The following WWTR1 variants were observed in gnomAD, a reference collection of about 807,000 sequenced individuals.
The protein encoded by WWTR1 is WW domain-containing transcription regulator protein 1.
Under a neutral mutation model 40.1 loss-of-function variants are expected in WWTR1, and 13 were observed. That is an observed-to-expected ratio of 0.32 (90% CI 0.21 to 0.52). WWTR1 has a LOEUF of 0.52. Ranked by LOEUF, WWTR1 falls within the 20% of genes least tolerant of loss-of-function variation. The probability of loss-of-function intolerance (pLI) is 0.97; values close to 1 mark genes in which losing one functional copy is unlikely to be tolerated. For missense variants in WWTR1, 436 were observed against 523.1 expected (o/e 0.83, Z 1.63); for synonymous variants, 230 against 210.1 (o/e 1.09, Z -0.82).
At chr3:149,646,653 T>C (rs1027226486) in intron 2 of WWTR1, among the ~76,000 whole-genome samples, 2 of 152,160 alleles carry the variant, frequency 1.3e-5, no homozygotes, top group African/African-American at 4.8e-5. Flanking sequence ...GCATCAGCCT[T>C]GTATAAGAAG....
chr3:149,715,484 C>T (rs879885519), intron 5 of WWTR1, among the ~76,000 whole-genome samples: 20 of 152,256 alleles, frequency 1.3e-4, no homozygotes, highest in South Asian at 4.1e-4. Flanking sequence ...CGTATTTGTG[C>T]GCAGTGGCCG....
chr3:149,694,460 T>G (rs1001147629), intron 1 of WWTR1, among the ~76,000 whole-genome samples: 1 of 152,006 alleles, frequency 6.6e-6, no homozygotes, highest in Non-Finnish European at 1.5e-5. Context: ...AAATAGAAGA[T>G]ACATAACTCA....
chr3:149,604,072 G>T (rs951145505), intron 2 of WWTR1, among the ~76,000 whole-genome samples: 1 of 152,096 alleles, frequency 6.6e-6, no homozygotes, highest in Admixed American at 6.6e-5. Context: ...ATAAGTAGTA[G>T]TACATGAAAA....
intron 2 of WWTR1, among the ~76,000 whole-genome samples, chr3:149,628,060 C>A (rs1206597975): frequency 8.3e-6 from 1 of 120,052 alleles, no homozygotes; most frequent in Admixed American, 9.8e-5. Flanking sequence ...GCAACAAGAG[C>A]GAAACTCCGT....
Position 149,632,474 on chromosome 3 carries a change from T to C in WWTR1, c.431+24402A>G, listed in dbSNP as rs114458556. On this transcript the variant is annotated intron_variant, in intron 2 of 6. Transcript: ENST00000360632. ...TACTCTCTATGACTGCTCTCTGACATTGATGACCAAGCATCCAACCTGTCC... is the reference window on the plus strand; with the variant it reads ...TACTCTCTATGACTGCTCTCTGACACTGATGACCAAGCATCCAACCTGTCC... 3.5e-3 allele frequency among the ~76,000 whole-genome samples: 537 copies of C among 152,294 alleles called. 2 individuals carry two copies. The highest frequency in any genetic ancestry group is 0.012 in the African/African-American group (486 of 41,550).
chr3:149,628,214 C>CA (rs1310733689), intron 2 of WWTR1, among the ~76,000 whole-genome samples: 8 of 150,778 alleles, frequency 5.3e-5, no homozygotes, highest in Non-Finnish European at 1.0e-4. Context: ...ATTAAAAATA[C>CA]AAAAAATTAG....
intron 3 of WWTR1, among the ~76,000 whole-genome samples, chr3:149,560,129 G>C (rs1333597508): frequency 1.3e-5 from 2 of 152,188 alleles, no homozygotes; most frequent in African/African-American, 2.4e-5. Flanking sequence ...TTCTTGATAG[G>C]AGGAAAAATG....
intron 1 of WWTR1, among the ~76,000 whole-genome samples, chr3:149,681,095 T>G (rs1714447149): frequency 6.6e-6 from 1 of 152,238 alleles, no homozygotes; most frequent in African/African-American, 2.4e-5. Flanking sequence ...TTGATACATC[T>G]AAATAAACTG....
chr3:149,518,069 C>CTCTAACTTTAGATT lies in WWTR1; in HGVS notation c.*2722_*2735dup, dbSNP rs1300252772. On this transcript the variant is annotated 3_prime_UTR_variant, in exon 7 of 7. Coordinates refer to ENST00000360632, the MANE Select transcript of WWTR1 (RefSeq NM_015472.6). ...ATAGGAAATAGCCATTAAAAAGTTG[C>CTCTAACTTTAGATT]TCTAACTTTAGATTTCTAACTTTAG... 2.6e-5 allele frequency: 4 copies of CTCTAACTTTAGATT among 152,084 alleles called. No individual in the cohort carries two copies. Among genetic ancestry groups the CTCTAACTTTAGATT allele is most frequent in the South Asian group, 2.1e-4 (1 of 4,814 alleles). 9.4% of individuals were successfully genotyped at this position (152,084 alleles called of 1,614,324 possible).
chr3:149,533,006 C>A (rs1033310964), intron 4 of WWTR1, among the ~76,000 whole-genome samples: 2 of 152,222 alleles, frequency 1.3e-5, no homozygotes, highest in African/African-American at 4.8e-5. Flanking sequence ...CACTCAGCAC[C>A]CCTTCCTTCC....
chr3:149,624,659 C>A (rs151311598), intron 2 of WWTR1, among the ~76,000 whole-genome samples: 1 of 152,110 alleles, frequency 6.6e-6, no homozygotes, highest in Admixed American at 6.6e-5. Context: ...TGAACTGATA[C>A]GTACTGTTTC....
At chr3:149,641,785 T>C (rs1712184400) in intron 2 of WWTR1, among the ~76,000 whole-genome samples, 1 of 152,240 alleles carries the variant, frequency 6.6e-6, no homozygotes. Flanking sequence ...ATTAAAAAGT[T>C]AGCAACAGAC....
At chr3:149,547,532 A>G (rs1047239357) in intron 3 of WWTR1, among the ~76,000 whole-genome samples, 2 of 152,188 alleles carry the variant, frequency 1.3e-5, no homozygotes, top group African/African-American at 4.8e-5. Context: ...AGCTTAAAAA[A>G]AAAGAAAAGA....
intron 1 of WWTR1, among the ~76,000 whole-genome samples, chr3:149,696,382 A>G (rs1284966294): frequency 1.3e-5 from 2 of 152,186 alleles, no homozygotes; most frequent in African/African-American, 4.8e-5. Flanking sequence ...TGGGAACTAC[A>G]CTACAACCAA....
In WWTR1 at chr3:149,572,872, G is replaced by A; in HGVS notation, c.560C>T (p.Pro187Leu). The A allele has an allele frequency of 6.2e-7, 1 of 1,613,672 alleles. No homozygotes were observed. Among genetic ancestry groups the A allele is most frequent in the African/African-American group, 1.3e-5 (1 of 74,918 alleles). The change falls in exon 3 of 7, where the codon CCA becomes CTA. Residue 187 changes from proline (P) to leucine (L), a missense_variant. Physicochemically the swap from Pro to Leu is moderately conservative, Grantham distance 98 (BLOSUM62 -3). Coordinates refer to ENST00000360632, the MANE Select transcript of WWTR1 (RefSeq NM_015472.6). The part of the protein sequence containing the change: ...VPQRSMAVSQ[P>L]NLVMNHQHQQ... ...AAAAGCTTGAGGCTTACCGAGATTTGGCTGGGATACTGCCATGGACCTCTG... is the reference window on the plus strand; with the variant it reads ...AAAAGCTTGAGGCTTACCGAGATTTAGCTGGGATACTGCCATGGACCTCTG...
intron 1 of WWTR1, among the ~76,000 whole-genome samples, chr3:149,679,588 C>T (rs751414879): frequency 6.6e-6 from 1 of 151,900 alleles, no homozygotes; most frequent in Non-Finnish European, 1.5e-5. Flanking sequence ...ATTATCCCTG[C>T]CCTCAAAGCA....
chr3:149,593,505 A>G (rs977754136), intron 2 of WWTR1, among the ~76,000 whole-genome samples: 1 of 152,002 alleles, frequency 6.6e-6, no homozygotes, highest in African/African-American at 2.4e-5. Context: ...AATTTCCTTC[A>G]GTGAAAAGGG....
chr3:149,530,653 G>A (rs1735531762), intron 4 of WWTR1, among the ~76,000 whole-genome samples: 1 of 151,660 alleles, frequency 6.6e-6, no homozygotes, highest in Non-Finnish European at 1.5e-5. Context: ...AAATTTAAAG[G>A]ATTATTTATG....
chr3:149,541,800 C>T (rs1736112594), intron 4 of WWTR1, among the ~76,000 whole-genome samples: 1 of 152,106 alleles, frequency 6.6e-6, no homozygotes, highest in Admixed American at 6.5e-5. Flanking sequence ...GGCTTTTGTT[C>T]CAGCTTAGCC....
Sources: gnomAD v4.1 joint callset for allele counts (sites outside exome capture counted in the v4.1 genomes callset) on GRCh38, gnomAD v4.1.1 for gene constraint, MANE v1.5 for transcripts, NCBI Gene and HGNC (gene_info 2026-07-23, HGNC 2026-07-21) for gene names.